The following VWC2 variants were observed in gnomAD, a reference collection of about 807,000 sequenced individuals.
VWC2 encodes brorin.
Under a neutral mutation model 29.8 loss-of-function variants are expected in VWC2, and 14 were observed. The observed-to-expected ratio is 0.47, with a 90% CI of 0.31 to 0.74. The LOEUF (loss-of-function observed/expected upper bound fraction) is 0.74, where lower values mean the gene tolerates loss of function less well. Among genes scored for constraint, VWC2 ranks in the 30% least tolerant of loss-of-function variants. VWC2 has a pLI of 0.05. For synonymous variants in VWC2, 213 were observed against 199.0 expected, an observed-to-expected ratio of 1.07 and a Z score of -0.59; for missense variants, 457 against 459.8, an observed-to-expected ratio of 0.99 and a Z score of 0.05.
intron 3 of VWC2, among the ~76,000 whole-genome samples, chr7:49,880,657 G>A (rs1372177515): frequency 1.3e-5 from 2 of 151,786 alleles, no homozygotes; most frequent in Non-Finnish European, 2.9e-5. Context: ...ACAGGGTGGG[G>A]AACATCACAC....
intron 3 of VWC2, among the ~76,000 whole-genome samples, chr7:49,868,321 T>C (rs1790999431): frequency 6.6e-6 from 1 of 152,236 alleles, no homozygotes; most frequent in Non-Finnish European, 1.5e-5. Flanking sequence ...TAAACCTCTT[T>C]AGCCAAGTCA....
intron 2 of VWC2, among the ~76,000 whole-genome samples, chr7:49,802,466 C>T (rs954333488): frequency 3.3e-5 from 5 of 152,082 alleles, no homozygotes; most frequent in Admixed American, 3.3e-4. Flanking sequence ...GGTTAAACCC[C>T]ATCTCTATAA....
At chr7:49,784,115 T>C (rs1042632835) in intron 2 of VWC2, among the ~76,000 whole-genome samples, 1 of 152,024 alleles carries the variant, frequency 6.6e-6, no homozygotes, top group Non-Finnish European at 1.5e-5. Flanking sequence ...AAAAGAAAAA[T>C]GTTATTTGTA....
At chr7:49,849,390 C>G (rs1451475162) in intron 3 of VWC2, among the ~76,000 whole-genome samples, 6 of 152,164 alleles carry the variant, frequency 3.9e-5, no homozygotes, top group Admixed American at 3.9e-4. Context: ...TGCTGTGTGT[C>G]CTGCCACTGC....
intron 3 of VWC2, among the ~76,000 whole-genome samples, chr7:49,824,194 TTC>T (rs1181410719): frequency 6.6e-6 from 1 of 152,206 alleles, no homozygotes; most frequent in Non-Finnish European, 1.5e-5. Context: ...GGTCACAAGT[TTC>T]TCTTACATTG....
chr7:49,840,076 G>A (rs553582488), intron 3 of VWC2, among the ~76,000 whole-genome samples: 15 of 152,340 alleles, frequency 9.8e-5, no homozygotes, highest in Non-Finnish European at 2.9e-5. Context: ...GGCTTCCGGA[G>A]CAGGAGCGCC....
chr7:49,774,003 C>T lies in VWC2; in HGVS notation c.-214C>T, dbSNP rs1229373763. On this transcript the variant is annotated 5_prime_UTR_variant, in exon 1 of 4. The change creates a new upstream start codon in the 5' untranslated region. Transcript: ENST00000340652. ...GCTGGGCTGTTAGTGGTCCGCCCCA[C>T]GCGGGTCGCCGGCCGGCCCAGGATG... 2 of 151,798 alleles carry T rather than the reference C, an allele frequency of 1.3e-5. No homozygotes were observed. The highest frequency in any genetic ancestry group is 4.1e-4 in the South Asian group (2 of 4,832). 9.4% of individuals were successfully genotyped at this position (151,798 alleles called of 1,614,324 possible).
chr7:49,899,329 C>CA (rs1213114541), intron 3 of VWC2, among the ~76,000 whole-genome samples: 2 of 151,766 alleles, frequency 1.3e-5, no homozygotes, highest in African/African-American at 4.8e-5. Flanking sequence ...TAGAGCAGTG[C>CA]AAAAAAATTA....
intron 3 of VWC2, among the ~76,000 whole-genome samples, chr7:49,895,176 C>T (rs1792323056): frequency 1.3e-5 from 2 of 152,146 alleles, no homozygotes; most frequent in Non-Finnish European, 2.9e-5. Context: ...TTGATGGTGT[C>T]TTGCCATGGT....
Position 49,789,849 on chromosome 7 carries a change from C to A in VWC2, c.697-12862C>A, listed in dbSNP as rs189574884. Among the ~76,000 whole-genome samples the A allele has an allele frequency of 2.0e-5, 3 of 152,362 alleles. No homozygotes were observed. In the East Asian group the frequency reaches 5.8e-4, roughly 29 times the overall value. On this transcript the variant is annotated intron_variant, in intron 2 of 3. Transcript: ENST00000340652. ...CAAAATAATTCTACAAAGATTTCAGCGTCACCCATGCTTCCCAGGTGGGAA... is the reference window on the plus strand; with the variant it reads ...CAAAATAATTCTACAAAGATTTCAGAGTCACCCATGCTTCCCAGGTGGGAA...
intron 3 of VWC2, among the ~76,000 whole-genome samples, chr7:49,842,647 T>C (rs916689333): frequency 1.3e-5 from 2 of 152,206 alleles, no homozygotes; most frequent in African/African-American, 4.8e-5. Context: ...ACTTGCAGAA[T>C]AATTGTCTTT....
In VWC2 at chr7:49,775,784, A is replaced by T; in HGVS notation, c.349A>T (p.Thr117Ser). The T allele has an allele frequency of 1.1e-5, 17 of 1,523,358 alleles. No individual in the cohort carries two copies. The highest frequency in any genetic ancestry group is 1.5e-5 in the Non-Finnish European group (17 of 1,136,416). 94.4% of individuals were successfully genotyped at this position (1,523,358 alleles called of 1,614,324 possible). The change falls in exon 2 of 4, where the codon ACC becomes TCC. Residue 117 changes from threonine (T) to serine (S), a missense_variant. By Grantham distance (58) the Thr-to-Ser change is moderately conservative. This residue lies in a region of VWC2 where 272 missense variants were observed against 202.7 expected (regional missense o/e 1.34). Transcript: ENST00000340652. ...GDLQVRPRGD[T>S]PQAEALAAAA... is the part of the protein sequence containing the mutation. ...TCTGCAGGTCCGGCCCCGCGGGGAC[A>T]CCCCGCAGGCGGAAGCCCTGGCCGC...
At chr7:49,780,869 A>AAGTGGGG (rs1788159095) in intron 2 of VWC2, among the ~76,000 whole-genome samples, 1 of 152,238 alleles carries the variant, frequency 6.6e-6, no homozygotes, top group African/African-American at 2.4e-5. Flanking sequence ...CTGACTTGCC[A>AAGTGGGG]TTAACCCCAC....
At chr7:49,859,964 G>A (rs1484659488) in intron 3 of VWC2, among the ~76,000 whole-genome samples, 1 of 151,520 alleles carries the variant, frequency 6.6e-6, no homozygotes, top group East Asian at 1.9e-4. Context: ...GTTTACTTAT[G>A]TATAAATATA....
rs186224896 is a variant in VWC2, at chr7:49,855,098, G to A, written c.826+52258G>A. Among the ~76,000 whole-genome samples, 5 of 152,288 alleles carry A rather than the reference G, an allele frequency of 3.3e-5. No homozygotes were observed. The East Asian group carries it at 9.6e-4, about 29-fold the overall frequency. Reference sequence around the variant, plus strand: ...AATAAATATTTTCCTTGGTACAGCTGTGAAGATAGAAATAAATGAGATTGT... The same window carrying A: ...AATAAATATTTTCCTTGGTACAGCTATGAAGATAGAAATAAATGAGATTGT... On this transcript the variant is annotated intron_variant, in intron 3 of 3. Transcript: ENST00000340652.
intron 3 of VWC2, among the ~76,000 whole-genome samples, chr7:49,904,275 A>G (rs1251125171): frequency 6.6e-6 from 1 of 152,138 alleles, no homozygotes; most frequent in Non-Finnish European, 1.5e-5. Context: ...TACCCTCACT[A>G]TCTGCCTAAG....
chr7:49,793,723 A>G (rs1232354487), intron 2 of VWC2, among the ~76,000 whole-genome samples: 1 of 152,222 alleles, frequency 6.6e-6, no homozygotes, highest in Non-Finnish European at 1.5e-5. Context: ...AATTGTTTCT[A>G]ACTTTTTTCT....
chr7:49,847,267 C>T (rs1789978762), intron 3 of VWC2, among the ~76,000 whole-genome samples: 2 of 150,400 alleles, frequency 1.3e-5, no homozygotes, highest in Admixed American at 1.3e-4. Context: ...TTGTAAATTC[C>T]ACATCTGACT....
At position 49,879,087 on chromosome 7, in the gene VWC2, A is replaced by G. The variant is rs532555206; in HGVS notation, c.827-32947A>G. On this transcript the variant is annotated intron_variant, in intron 3 of 3. Coordinates refer to ENST00000340652, the MANE Select transcript of VWC2 (RefSeq NM_198570.5). Reference sequence around the variant, plus strand: ...TAATATCCGGCAGTTCATTCCCTCAATCCTCAAAGGTCTCTGCTTTTTCTT... The same window carrying G: ...TAATATCCGGCAGTTCATTCCCTCAGTCCTCAAAGGTCTCTGCTTTTTCTT... Among the ~76,000 whole-genome samples the G allele has an allele frequency of 2.6e-5, 4 of 152,078 alleles. No individual in the cohort carries two copies. The South Asian group carries it at 6.2e-4, about 24-fold the overall frequency.
Sources: gnomAD v4.1 joint callset for allele counts (sites outside exome capture counted in the v4.1 genomes callset) on GRCh38, gnomAD v4.1.1 for gene constraint, gnomAD v4.1.1 regional missense constraint, MANE v1.5 for transcripts, NCBI Gene and HGNC (gene_info 2026-07-23, HGNC 2026-07-21) for gene names.